The following SCN11A variants were observed in gnomAD, a reference collection of about 807,000 sequenced individuals.
SCN11A encodes the protein sodium channel protein type 11 subunit alpha.
Under a neutral mutation model 162.2 loss-of-function variants are expected in SCN11A, and 122 were observed. That is an observed-to-expected ratio of 0.75 (90% CI 0.65 to 0.87). SCN11A has a LOEUF of 0.87. Ranked by LOEUF, SCN11A falls within the 40% of genes least tolerant of loss-of-function variation. The probability of loss-of-function intolerance (pLI) is 0.00; values close to 1 mark genes in which losing one functional copy is unlikely to be tolerated. For missense variants in SCN11A, 2,015 were observed against 2,181.6 expected (o/e 0.92, Z 1.52); for synonymous variants, 758 against 751.5 (o/e 1.01, Z -0.14).
In SCN11A at chr3:38,963,374, T is replaced by TA. The variant is rs1559558213; in HGVS notation, c.-279-2952dup. ...ATGGATATATATATATATATATATA[T>TA]ATATATATATATGATGGAGATATAT... On this transcript the variant is annotated intron_variant, in intron 2 of 29. Transcript: ENST00000302328. Among the ~76,000 whole-genome samples, 2 of 85,378 alleles carry TA rather than the reference T, an allele frequency of 2.3e-5. 1 individual carries two copies. The highest frequency in any genetic ancestry group is 4.4e-5 in the Non-Finnish European group (2 of 45,622). The allele number at this position is 85,378 out of a possible 152,430, so 56.0% of individuals were successfully genotyped here.
At position 38,935,849 on chromosome 3, in the gene SCN11A, C is replaced by A. The variant is rs571246653; in HGVS notation, c.489-8918G>T. Among the ~76,000 whole-genome samples, 736 of 152,270 alleles carry A rather than the reference C, an allele frequency of 4.8e-3. 2 individuals are homozygous for A. Among genetic ancestry groups the A allele is most frequent in the Non-Finnish European group, 7.4e-3 (504 of 68,014 alleles). ...ATTCCAATCAATAGAAAAAGAGGGA[C>A]TCCTCCCTAACTCATTTTATGAGGC... On this transcript the variant is annotated intron_variant, in intron 7 of 29. Coordinates refer to ENST00000302328, the MANE Select transcript of SCN11A (RefSeq NM_001349253.2).
chr3:38,885,138 T>G (rs2065373625), intron 21 of SCN11A, 150 bp downstream of exon 21: 2 of 604,332 alleles, frequency 3.3e-6, no homozygotes, highest in South Asian at 4.2e-5. Context: ...GATCCGACAA[T>G]CGCCTCAAGA....
At chr3:38,908,519 T>C (rs986621969) in intron 13 of SCN11A, among the ~76,000 whole-genome samples, 1 of 152,128 alleles carries the variant, frequency 6.6e-6, no homozygotes, top group Non-Finnish European at 1.5e-5. Context: ...AATCTGAGAC[T>C]TGAGCTGGAA....
At chr3:38,971,284 T>A (rs2066815585) in intron 2 of SCN11A, among the ~76,000 whole-genome samples, 2 of 152,016 alleles carry the variant, frequency 1.3e-5, no homozygotes, top group Admixed American at 6.6e-5. Context: ...AAGAGACACG[T>A]GAAAGAAACA....
At chr3:38,940,261 A>G (rs1169138395) in intron 7 of SCN11A, among the ~76,000 whole-genome samples, 1 of 152,156 alleles carries the variant, frequency 6.6e-6, no homozygotes, top group East Asian at 1.9e-4. Context: ...AAAATATGTC[A>G]TGTTCTCAAT....
chr3:38,909,250 C>T (rs2065850802), intron 12 of SCN11A, 56 bp from the exon 13 acceptor site: 1 of 1,566,346 alleles, frequency 6.4e-7, no homozygotes, highest in Non-Finnish European at 8.8e-7. Flanking sequence ...AGGAAAGTGA[C>T]CATCACCTCA....
intron 3 of SCN11A, among the ~76,000 whole-genome samples, chr3:38,959,536 C>T (rs1308370190): frequency 1.3e-5 from 2 of 152,204 alleles, no homozygotes; most frequent in African/African-American, 2.4e-5. Context: ...GGACCTCAAC[C>T]CACTGCCACC....
intron 2 of SCN11A, among the ~76,000 whole-genome samples, chr3:38,962,410 G>A (rs528383546): frequency 6.3e-4 from 96 of 152,054 alleles, no homozygotes; most frequent in Non-Finnish European, 1.2e-3. Flanking sequence ...GAAGAATGAT[G>A]GTGATATTTT....
intron 2 of SCN11A, among the ~76,000 whole-genome samples, chr3:38,969,884 GA>G (rs1418234987): frequency 1.3e-5 from 2 of 152,162 alleles, no homozygotes; most frequent in Non-Finnish European, 2.9e-5. Flanking sequence ...CTCTAAAATT[GA>G]GAACACAAAC....
chr3:38,865,792 A>G (rs1197068554), intron 27 of SCN11A, among the ~76,000 whole-genome samples: 2 of 152,198 alleles, frequency 1.3e-5, no homozygotes, highest in Admixed American at 1.3e-4. Context: ...AAGGAGAAAT[A>G]CTTGTGGCCA....
At chr3:38,848,693 C>T (rs556478997) in intron 29 of SCN11A, among the ~76,000 whole-genome samples, 2 of 152,296 alleles carry the variant, frequency 1.3e-5, no homozygotes, top group African/African-American at 4.8e-5. Context: ...ATTTCTTGGG[C>T]TGATCAAGCC....
chr3:38,951,632 T>C (rs1269063026), intron 4 of SCN11A, among the ~76,000 whole-genome samples: 1 of 152,240 alleles, frequency 6.6e-6, no homozygotes, highest in Non-Finnish European at 1.5e-5. Context: ...GGTGGGGACG[T>C]GGAGAGTCTT....
chr3:38,870,917 T>C (rs2065115643), intron 25 of SCN11A, among the ~76,000 whole-genome samples, 173 bp from the exon 26 acceptor site: 1 of 152,186 alleles, frequency 6.6e-6, no homozygotes, highest in South Asian at 2.1e-4. Flanking sequence ...CAAGGGTGTG[T>C]GTCTTGGATT....
rs753368216 is a variant in SCN11A at position 38,951,384 on chromosome 3, C to A, written c.-7-1015G>T. ...TTTCTCACCGGGCCTTAGCTGACTT[C>A]CCGCGGGGCAGGGCTTGGGACCTGC... On this transcript the variant is annotated intron_variant, in intron 4 of 29. Coordinates refer to ENST00000302328, the MANE Select transcript of SCN11A (RefSeq NM_001349253.2). Among the ~76,000 whole-genome samples, 7 of 152,252 alleles carry A rather than the reference C, an allele frequency of 4.6e-5. 1 individual carries two copies. Among genetic ancestry groups the A allele is most frequent in the Non-Finnish European group, 8.8e-5 (6 of 68,038 alleles).
At chr3:39,004,464 A>G (rs1217284695) in intron 2 of SCN11A, among the ~76,000 whole-genome samples, 4 of 152,178 alleles carry the variant, frequency 2.6e-5, no homozygotes, top group Non-Finnish European at 5.9e-5. Context: ...TGACACCTCC[A>G]GCTTTCTTCC....
intron 3 of SCN11A, among the ~76,000 whole-genome samples, chr3:38,955,952 G>A (rs908314249): frequency 5.9e-5 from 9 of 152,126 alleles, no homozygotes; most frequent in Non-Finnish European, 1.3e-4. Flanking sequence ...AAACCTGCAC[G>A]TTCGGCACAA....
At chr3:38,859,119 G>A (rs754072066) in intron 28 of SCN11A, among the ~76,000 whole-genome samples, 9 of 151,806 alleles carry the variant, frequency 5.9e-5, no homozygotes, top group Admixed American at 1.3e-4. Context: ...AGGAATTAGA[G>A]AAAGAAAAAC....
chr3:38,934,578 C>T (rs966628460), intron 7 of SCN11A, among the ~76,000 whole-genome samples: 3 of 151,974 alleles, frequency 2.0e-5, no homozygotes, highest in African/African-American at 4.8e-5. Context: ...GGTTGCAATC[C>T]TAGTCTCTGA....
chr3:38,934,249 G>A (rs1395421925), intron 7 of SCN11A, among the ~76,000 whole-genome samples: 2 of 152,186 alleles, frequency 1.3e-5, no homozygotes. Flanking sequence ...AAGAACAACC[G>A]ATACCAGCCA....
Sources: gnomAD v4.1 joint callset for allele counts (sites outside exome capture counted in the v4.1 genomes callset) on GRCh38, gnomAD v4.1.1 for gene constraint, MANE v1.5 for transcripts, NCBI Gene and HGNC (gene_info 2026-07-23, HGNC 2026-07-21) for gene names.